HIVEP1: variants seen among roughly 807,000 people sequenced by gnomAD.
HIVEP1 encodes the protein zinc finger protein 40.
A neutral mutation model predicts 180.0 loss-of-function variants in HIVEP1; 36 were observed. The observed-to-expected ratio is 0.20, with a 90% CI of 0.15 to 0.26. HIVEP1 has a LOEUF of 0.26. HIVEP1 is among the 10% of genes least tolerant of loss of function. The pLI, the probability that HIVEP1 is intolerant of heterozygous loss-of-function variation, is 1.00. For synonymous variants in HIVEP1, 1,239 were observed against 1,239.0 expected, an observed-to-expected ratio of 1.00 and a Z score of 0.00; for missense variants, 3,143 against 3,268.7, an observed-to-expected ratio of 0.96 and a Z score of 0.94.
At chr6:12,203,631 A>G in the HIVEP1 span, among the ~76,000 whole-genome samples, 7 of 152,210 alleles carry the variant, frequency 4.6e-5, no homozygotes, top group African/African-American at 1.7e-4. Flanking sequence ...TCCTTCAGAA[A>G]ATAATTTATC....
chr6:12,074,327 G>A (rs1446350017), intron 2 of HIVEP1, among the ~76,000 whole-genome samples: 1 of 152,106 alleles, frequency 6.6e-6, no homozygotes, highest in Non-Finnish European at 1.5e-5. Flanking sequence ...GGGAAATTAA[G>A]AAAAGGAAAG....
intron 3 of HIVEP1, among the ~76,000 whole-genome samples, chr6:12,108,524 G>T (rs1312829460): frequency 3.3e-5 from 5 of 152,378 alleles, no homozygotes; most frequent in African/African-American, 1.2e-4. Flanking sequence ...CAGGTCCCGA[G>T]CCCTGCCCCG....
chr6:12,028,807 A>G (rs1259658366), intron 2 of HIVEP1, among the ~76,000 whole-genome samples: 1 of 152,228 alleles, frequency 6.6e-6, no homozygotes. Context: ...ACCACAGTCC[A>G]GTTTTAGAAC....
intron 2 of HIVEP1, among the ~76,000 whole-genome samples, chr6:12,031,518 G>A (rs1768937381): frequency 1.3e-5 from 2 of 152,106 alleles, no homozygotes; most frequent in African/African-American, 4.8e-5. Flanking sequence ...CTTGCTATTG[G>A]GATTGCCAGT....
intron 2 of HIVEP1, chr6:12,020,351 C>T (rs1768102173): frequency 2.1e-6 from 1 of 471,152 alleles, no homozygotes; most frequent in Non-Finnish European, 4.4e-6. Flanking sequence ...AAAGGCTTAG[C>T]ATGTTGTCCT....
At chr6:12,059,706 C>T (rs974543445) in intron 2 of HIVEP1, among the ~76,000 whole-genome samples, 7 of 152,074 alleles carry the variant, frequency 4.6e-5, no homozygotes, top group African/African-American at 1.7e-4. Context: ...CTGAGATTCA[C>T]CTCTAGTCCC....
chr6:12,045,451 C>T (rs539657027), intron 2 of HIVEP1, among the ~76,000 whole-genome samples: 1 of 152,336 alleles, frequency 6.6e-6, no homozygotes, highest in African/African-American at 2.4e-5. Context: ...GAGTTGGGCA[C>T]ATTTTTAAAG....
At chr6:12,205,193 T>G in the HIVEP1 span, among the ~76,000 whole-genome samples, 1 of 152,112 alleles carries the variant, frequency 6.6e-6, no homozygotes, top group Non-Finnish European at 1.5e-5. Context: ...ACAAAGCGGC[T>G]GGGCGCGGTG....
chr6:12,160,631 A>G (rs1760336684), intron 7 of HIVEP1, among the ~76,000 whole-genome samples: 1 of 152,200 alleles, frequency 6.6e-6, no homozygotes, highest in Non-Finnish European at 1.5e-5. Context: ...ACAAAAAAAC[A>G]GGAGGCAGGG....
At chr6:12,037,316 C>T (rs1554133501) in intron 2 of HIVEP1, among the ~76,000 whole-genome samples, 1 of 152,006 alleles carries the variant, frequency 6.6e-6, no homozygotes, top group Admixed American at 6.5e-5. Context: ...TTTTTGGTTG[C>T]CTGGCTATTT....
the HIVEP1 span, among the ~76,000 whole-genome samples, chr6:12,181,869 A>T: frequency 6.6e-6 from 1 of 152,056 alleles, no homozygotes; most frequent in Non-Finnish European, 1.5e-5. Context: ...TTAAAATCCC[A>T]TTTTTTTCTC....
the HIVEP1 span, among the ~76,000 whole-genome samples, chr6:12,173,901 C>T: frequency 6.6e-5 from 10 of 152,176 alleles, no homozygotes; most frequent in Non-Finnish European, 1.2e-4. Context: ...AGTCAATTAG[C>T]CAGGCATGCT....
chr6:12,037,667 C>T (rs1769370744), intron 2 of HIVEP1: 1 of 398,452 alleles, frequency 2.5e-6, no homozygotes, highest in Non-Finnish European at 4.4e-6. Context: ...TGTTCTTCAA[C>T]AGGGAGAATG....
At chr6:12,187,192 C>CA in the HIVEP1 span, among the ~76,000 whole-genome samples, 1 of 152,012 alleles carries the variant, frequency 6.6e-6, no homozygotes, top group African/African-American at 2.4e-5. Flanking sequence ...GACACATTTG[C>CA]AAAAATAATG....
At chr6:12,141,353 C>T (rs1360409954) in intron 7 of HIVEP1, among the ~76,000 whole-genome samples, 2 of 151,954 alleles carry the variant, frequency 1.3e-5, no homozygotes, top group Admixed American at 6.6e-5. Flanking sequence ...ACCTGCCTTA[C>T]GAGAGTTCCT....
intron 3 of HIVEP1, among the ~76,000 whole-genome samples, chr6:12,100,182 C>T (rs892477467): frequency 6.6e-6 from 1 of 152,134 alleles, no homozygotes; most frequent in Non-Finnish European, 1.5e-5. Flanking sequence ...TCACATTTCC[C>T]TGTTCTGGTA....
intron 7 of HIVEP1, among the ~76,000 whole-genome samples, chr6:12,137,236 A>G (rs1034406982): frequency 1.3e-4 from 20 of 152,346 alleles, no homozygotes; most frequent in Admixed American, 4.6e-4. Flanking sequence ...AGGTAAAGCT[A>G]TTATTATAGT....
Position 12,129,826 on chromosome 6 carries a change from G to A in HIVEP1, c.6143G>A (p.Ser2048Asn), listed in dbSNP as rs1415746410. The change falls in exon 5 of 9, where the codon AGT (serine) becomes AAT (asparagine). Residue 2048 changes from serine (S) to asparagine (N), a missense_variant. Physicochemically the swap from Ser to Asn is conservative, Grantham distance 46. Around this residue, in one of 12 missense-constraint regions of HIVEP1, gnomAD observed 1,357 missense variants for 1,260.5 expected, o/e 1.08. Coordinates refer to ENST00000379388, the MANE Select transcript of HIVEP1 (RefSeq NM_002114.4). Reference protein sequence around the residue: ...FSNKDASEINSEQDKENSLIK... With the variant: ...FSNKDASEINNEQDKENSLIK... ...AATAAAGATGCCTCTGAAATTAACA[G>A]TGAGCAAGATAAAGAAAATTCCTTA... 3.8e-6 allele frequency: 6 copies of A among 1,586,774 alleles called. No individual in the cohort carries two copies. Among genetic ancestry groups the A allele is most frequent in the Non-Finnish European group, 5.2e-6 (6 of 1,155,384 alleles).
chr6:12,081,465 C>T (rs1190811419), intron 2 of HIVEP1, among the ~76,000 whole-genome samples: 1 of 152,136 alleles, frequency 6.6e-6, no homozygotes, highest in African/African-American at 2.4e-5. Context: ...GCCTTAAATT[C>T]ATCCTTTCCA....
Sources: allele counts gnomAD v4.1 joint callset (sites outside exome capture counted in the v4.1 genomes callset), GRCh38; gene constraint gnomAD v4.1.1; regional missense constraint gnomAD v4.1.1; transcripts MANE v1.5; gene names NCBI Gene and HGNC (gene_info 2026-07-23, HGNC 2026-07-21).